Variants in THTPA observed in about 807,000 individuals in gnomAD.
THTPA encodes the protein thiamine-triphosphatase.
Under a neutral mutation model 16.5 loss-of-function variants are expected in THTPA, and 16 were observed. The observed-to-expected ratio is 0.97, with a 90% CI of 0.66 to 1.47. THTPA has a LOEUF of 1.47. Among genes scored for constraint, THTPA ranks in the 40% most tolerant of loss-of-function variants. THTPA has a pLI of 0.00. For missense variants in THTPA, 281 were observed against 280.9 expected (o/e 1.00, Z 0.00); for synonymous variants, 110 against 115.5 (o/e 0.95, Z 0.30).
chr14:23,527,496 C>T, the THTPA span: 1 of 1,402,240 alleles, frequency 7.1e-7, no homozygotes. Flanking sequence ...GCCTGAATGC[C>T]CCCTGCCCCC....
chr14:23,523,317 G>A, the THTPA span: 7 of 1,453,138 alleles, frequency 4.8e-6, no homozygotes, highest in South Asian at 4.3e-5. The surrounding 1 kb of genome is among the most constrained non-coding windows in gnomAD (Gnocchi z 4.1). Flanking sequence ...ATGGAGGCAG[G>A]TGTGGTGGCA....
chr14:23,541,144 G>C, the THTPA span, among the ~76,000 whole-genome samples: 3 of 151,870 alleles, frequency 2.0e-5, no homozygotes, highest in Non-Finnish European at 4.4e-5. Flanking sequence ...GACCTCAGGT[G>C]ATCCACCTGC....
chr14:23,535,015 C>A, the THTPA span: 1 of 1,536,054 alleles, frequency 6.5e-7, no homozygotes, highest in South Asian at 1.2e-5. The surrounding 1 kb of genome is among the most constrained non-coding windows in gnomAD (Gnocchi z 4.5). Context: ...GGGAGGGAGC[C>A]CTTCTTCTTC....
At chr14:23,554,038 CAAAAAA>C (rs61363455), upstream of THTPA, among the ~76,000 whole-genome samples, 2 of 36,040 alleles carry the variant, frequency 5.5e-5, no homozygotes, top group African/African-American at 1.6e-4. Flanking sequence ...GACTCTGTCT[CAAAAAA>C]AAAAAAAAAA....
chr14:23,520,203 G>A, the THTPA span, among the ~76,000 whole-genome samples: 243 of 152,144 alleles, frequency 1.6e-3, 1 homozygote, highest in African/African-American at 5.6e-3. The surrounding 1 kb of genome is among the most constrained non-coding windows in gnomAD (Gnocchi z 8.7). Context: ...CCCTCAATTC[G>A]TGTCAGCTCT....
At chr14:23,558,239 AC>A (rs1882751315) in intron 1 of THTPA, among the ~76,000 whole-genome samples, 3 of 151,992 alleles carry the variant, frequency 2.0e-5, no homozygotes, top group Admixed American at 2.0e-4. Context: ...TGTGAATCCC[AC>A]CCCATGGCTA....
At position 23,558,863 on chromosome 14, in the gene THTPA, A is replaced by C; in HGVS notation, c.*23A>C. 2 of 1,613,260 alleles carry C rather than the reference A, an allele frequency of 1.2e-6. No individual in the cohort carries two copies. The highest frequency in any genetic ancestry group is 1.7e-6 in the Non-Finnish European group (2 of 1,179,642). The stretch of plus-strand genomic sequence containing the variant: ...TAGGGGTGTCACTTCCTAGAAGGGG[A>C]AGGGAACTCTGGGTCTAACGGAGTC... On this transcript the variant is annotated 3_prime_UTR_variant, in exon 2 of 2. Coordinates refer to ENST00000288014, the MANE Select transcript of THTPA (RefSeq NM_024328.6).
the THTPA span, among the ~76,000 whole-genome samples, chr14:23,538,774 G>A: frequency 6.6e-6 from 1 of 152,066 alleles, no homozygotes; most frequent in East Asian, 1.9e-4. Context: ...GGTTGGGGAC[G>A]GTCAGGGAAG....
the THTPA span, chr14:23,521,509 CT>C: frequency 6.4e-6 from 1 of 155,738 alleles, no homozygotes; most frequent in Non-Finnish European, 1.4e-5. Context: ...TTTTTATCTT[CT>C]TTTTCAAAAT....
At chr14:23,552,047 A>G (rs1483548919), upstream of THTPA, among the ~76,000 whole-genome samples, 1 of 152,180 alleles carries the variant, frequency 6.6e-6, no homozygotes, top group African/African-American at 2.4e-5. Flanking sequence ...AATCAGCTTC[A>G]GAACAAGCCC....
Position 23,557,291 on chromosome 14 carries a change from C to T in THTPA, c.534C>T (p.Leu178=), listed in dbSNP as rs142188835. The T allele has an allele frequency of 4.8e-4, 770 of 1,596,548 alleles. No individual in the cohort carries two copies. Among genetic ancestry groups the T allele is most frequent in the Non-Finnish European group, 6.2e-4 (725 of 1,173,980 alleles). Residue 178 remains leucine (L), a synonymous_variant, in exon 1 of 2, where the codon CTC becomes CTT. Coordinates refer to ENST00000288014, the MANE Select transcript of THTPA (RefSeq NM_024328.6). ...VPTALEKIHR[L]SSMLGVPAQE... ...CTGCCCTAGAGAAGATCCACAGGCTCAGCAGCATGCTTGGTGAGGGAGACA... is the reference window on the plus strand; with the variant it reads ...CTGCCCTAGAGAAGATCCACAGGCTTAGCAGCATGCTTGGTGAGGGAGACA...
intron 1 of THTPA, among the ~76,000 whole-genome samples, chr14:23,557,986 T>C (rs1290346946): frequency 6.6e-6 from 1 of 152,246 alleles, no homozygotes; most frequent in Non-Finnish European, 1.5e-5. Context: ...TATAGTTATG[T>C]GAGACAGTGG....
upstream of THTPA, chr14:23,551,566 C>A: frequency 6.5e-6 from 1 of 152,760 alleles, no homozygotes; most frequent in South Asian, 2.0e-4. The surrounding 1 kb of genome is among the most constrained non-coding windows in gnomAD (Gnocchi z 5.3). Context: ...GGAAAATAAT[C>A]AATGCTATTT....
chr14:23,519,291 T>G, the THTPA span, among the ~76,000 whole-genome samples: 2 of 152,242 alleles, frequency 1.3e-5, no homozygotes, highest in African/African-American at 4.8e-5. Context: ...GATGCTTTCT[T>G]TAAAACGTTT....
the THTPA span, chr14:23,524,133 G>C: frequency 8.5e-6 from 13 of 1,535,892 alleles, no homozygotes; most frequent in Non-Finnish European, 1.1e-5. The surrounding 1 kb of genome is among the most constrained non-coding windows in gnomAD (Gnocchi z 5.6). Flanking sequence ...AAGGATGCAG[G>C]GGTGGCTGTG....
rs367886346 is a variant in THTPA, at chr14:23,558,989, T to C, written c.*149T>C. The C allele has an allele frequency of 7.2e-5, 69 of 956,368 alleles. No individual in the cohort carries two copies. The African/African-American group carries it at 9.6e-4, about 13-fold the overall frequency. The allele number at this position is 956,368 out of a possible 1,614,324, so 59.2% of individuals were successfully genotyped here. ...TTCTTCCCCCTCCTCTAAGCTACTC[T>C]TCCTTGAGCCCTCCCTGGCTGCTTC... On this transcript the variant is annotated 3_prime_UTR_variant, in exon 2 of 2. Coordinates refer to ENST00000288014, the MANE Select transcript of THTPA (RefSeq NM_024328.6).
the THTPA span, among the ~76,000 whole-genome samples, chr14:23,538,703 G>C: frequency 6.6e-6 from 1 of 152,158 alleles, no homozygotes; most frequent in East Asian, 1.9e-4. Flanking sequence ...CCCTGACATT[G>C]CTTCCTCTGA....
the THTPA span, among the ~76,000 whole-genome samples, chr14:23,549,697 C>A: frequency 6.6e-6 from 1 of 152,122 alleles, no homozygotes; most frequent in East Asian, 1.9e-4. Flanking sequence ...GGGAATGTCC[C>A]CTTACAAAAT....
the THTPA span, chr14:23,522,459 G>T: frequency 6.5e-7 from 1 of 1,536,266 alleles, no homozygotes; most frequent in Non-Finnish European, 8.7e-7. Flanking sequence ...GTGGGCTCAG[G>T]GGGCTGGGGT....
Sources: gnomAD v4.1 joint callset for allele counts (sites outside exome capture counted in the v4.1 genomes callset) on GRCh38, gnomAD v4.1.1 for gene constraint, Gnocchi (gnomAD v3.1) non-coding constraint, MANE v1.5 for transcripts, NCBI Gene and HGNC (gene_info 2026-07-23, HGNC 2026-07-21) for gene names.